SNX9: variants seen among roughly 807,000 people sequenced by gnomAD.
SNX9 encodes sorting nexin-9.
A neutral mutation model predicts 89.4 loss-of-function variants in SNX9; 44 were observed. The observed-to-expected ratio is 0.49, with a 90% CI of 0.39 to 0.63. The LOEUF (loss-of-function observed/expected upper bound fraction) is 0.63. Ranked by LOEUF, SNX9 falls within the 30% of genes least tolerant of loss-of-function variation. The pLI, the probability that SNX9 is intolerant of heterozygous loss-of-function variation, is 0.00. For synonymous variants in SNX9, 236 were observed against 247.8 expected, an observed-to-expected ratio of 0.95 and a Z score of 0.45; for missense variants, 578 against 736.1, an observed-to-expected ratio of 0.79 and a Z score of 2.49.
chr6:157,942,425 G>A (rs565243469), intron 17 of SNX9, among the ~76,000 whole-genome samples: 9 of 152,348 alleles, frequency 5.9e-5, no homozygotes, highest in African/African-American at 1.7e-4. Flanking sequence ...ACCTTCAGGG[G>A]ATTCTGGAAG....
chr6:157,828,559 A>G (rs1382294738), intron 1 of SNX9, among the ~76,000 whole-genome samples: 1 of 152,034 alleles, frequency 6.6e-6, no homozygotes, highest in African/African-American at 2.4e-5. Flanking sequence ...AGTGGCACGA[A>G]CACAGCTCAC....
At chr6:157,872,435 C>G (rs1782431168) in intron 2 of SNX9, 1 of 152,186 alleles carries the variant, frequency 6.6e-6, no homozygotes, top group Admixed American at 6.5e-5. Context: ...TTTGTTACTG[C>G]TTAGGAATCT....
intron 1 of SNX9, among the ~76,000 whole-genome samples, chr6:157,851,942 C>A (rs111244883): frequency 1.3e-5 from 2 of 152,118 alleles, no homozygotes; most frequent in Non-Finnish European, 2.9e-5. Flanking sequence ...TTTCAAGGTT[C>A]GTCTGTAATG....
rs551414070 is a variant in SNX9 at position 157,840,390 on chromosome 6, G to A, written c.12+16944G>A. Among the ~76,000 whole-genome samples the A allele has an allele frequency of 4.4e-5, 6 of 136,256 alleles. No individual in the cohort carries two copies. The South Asian group carries it at 1.1e-3, about 24-fold the overall frequency. 89.4% of individuals were successfully genotyped at this position (136,256 alleles called of 152,430 possible). ...GGTTTTCACCACACCCAAAATGACT[G>A]ACTTTTACAAAAAATACTTTCTTTC... On this transcript the variant is annotated intron_variant, in intron 1 of 17. Coordinates refer to ENST00000392185, the MANE Select transcript of SNX9 (RefSeq NM_016224.5).
At chr6:157,932,026 C>T (rs377006485) in intron 12 of SNX9, among the ~76,000 whole-genome samples, 169 bp from the exon 13 acceptor site, 4 of 152,010 alleles carry the variant, frequency 2.6e-5, no homozygotes, top group African/African-American at 7.3e-5. Context: ...TTAAAATAAT[C>T]GAAAGAAATC....
rs148825841 is a variant in SNX9, at chr6:157,938,637, C to A, written c.1538C>A (p.Ala513Glu). Residue 513 changes from alanine (A) to glutamate (E), a missense_variant, in exon 16 of 18, where the codon GCA becomes GAA. By Grantham distance (107) the Ala-to-Glu change is moderately radical (BLOSUM62 -1). Around this residue, in one of 2 missense-constraint regions of SNX9, gnomAD observed 348 missense variants for 491.4 expected, o/e 0.71. Transcript: ENST00000392185. The part of the protein sequence containing the change: ...FPDIIGTHKG[A>E]IEKVKESDKL... The stretch of plus-strand genomic sequence containing the variant: ...GTTGCATTTTATATTTCACAGGGAG[C>A]AATAGAAAAAGTGAAAGAAAGTGAC... 6.2e-7 allele frequency: 1 copy of A among 1,603,848 alleles called. No homozygotes were observed. Among genetic ancestry groups the A allele is most frequent in the South Asian group, 1.1e-5 (1 of 90,782 alleles).
chr6:157,836,691 C>T (rs978912645), intron 1 of SNX9, among the ~76,000 whole-genome samples: 3 of 151,540 alleles, frequency 2.0e-5, no homozygotes, highest in Admixed American at 6.6e-5. Flanking sequence ...CCCAGGTTCA[C>T]GCCATTTTCC....
intron 10 of SNX9, among the ~76,000 whole-genome samples, chr6:157,926,509 C>T (rs1783694490): frequency 6.6e-6 from 1 of 152,140 alleles, no homozygotes; most frequent in African/African-American, 2.4e-5. Context: ...GGGCCGAGCA[C>T]AGTGGCTTAT....
intron 1 of SNX9, among the ~76,000 whole-genome samples, chr6:157,854,946 T>C (rs534689859): frequency 1.4e-5 from 2 of 141,900 alleles, no homozygotes; most frequent in South Asian, 4.3e-4. Flanking sequence ...GGATAATAGG[T>C]TCATGTTAAA....
intron 1 of SNX9, among the ~76,000 whole-genome samples, chr6:157,826,317 T>C (rs1357019053): frequency 6.6e-6 from 1 of 151,594 alleles, no homozygotes; most frequent in African/African-American, 2.4e-5. Flanking sequence ...GCTAACACGG[T>C]GAAACTCCAT....
chr6:157,932,955 G>T, intron 13 of SNX9, among the ~76,000 whole-genome samples: 1 of 149,574 alleles, frequency 6.7e-6, no homozygotes, highest in African/African-American at 2.5e-5. Flanking sequence ...AGTGTGTGTT[G>T]CCTGTTTTCT....
chr6:157,823,875 C>A lies in SNX9; in HGVS notation c.12+429C>A, dbSNP rs926567708. Among the ~76,000 whole-genome samples, 5 of 152,080 alleles carry A rather than the reference C, an allele frequency of 3.3e-5. No homozygotes were observed. Among genetic ancestry groups the A allele is most frequent in the Admixed American group, 6.5e-5 (1 of 15,286 alleles). Reference sequence around the variant, plus strand: ...CCCTCCCGCTGCCGCCTGGGGGACCCTCGCCCCCGCGGGGCGGGTGGGGGT... The same window carrying A: ...CCCTCCCGCTGCCGCCTGGGGGACCATCGCCCCCGCGGGGCGGGTGGGGGT... On this transcript the variant is annotated intron_variant, in intron 1 of 17. Coordinates refer to ENST00000392185, the MANE Select transcript of SNX9 (RefSeq NM_016224.5). The surrounding 1 kb of genome is among the most constrained non-coding windows in gnomAD (Gnocchi z 4.6).
intron 16 of SNX9, 37 bp downstream of exon 16, chr6:157,938,784 G>GT (rs34533409): frequency 1.1e-3 from 1,618 of 1,490,016 alleles, no homozygotes; most frequent in South Asian, 1.6e-3. Flanking sequence ...GCTGGTGGAA[G>GT]TTTTTTTTTC....
rs779307006 is a variant in SNX9, at chr6:157,942,847, G to A, written c.*9G>A. On this transcript the variant is annotated 3_prime_UTR_variant, in exon 18 of 18. Coordinates refer to ENST00000392185, the MANE Select transcript of SNX9 (RefSeq NM_016224.5). ...GCTTTCCAGTGATGTAGGACAGAAC[G>A]GGCCTTGAAGAGAATGCCGCGTGCT... is the stretch of plus-strand genomic sequence containing the variant. 1.6e-5 allele frequency: 25 copies of A among 1,610,672 alleles called. No individual in the cohort carries two copies. The highest frequency in any genetic ancestry group is 1.6e-4 in the Middle Eastern group (1 of 6,068).
At chr6:157,869,937 A>G (rs551074379) in intron 2 of SNX9, among the ~76,000 whole-genome samples, 2 of 152,022 alleles carry the variant, frequency 1.3e-5, no homozygotes, top group African/African-American at 4.8e-5. Flanking sequence ...TCATGCTCTC[A>G]TACACTTTAC....
At chr6:157,917,210 G>A (rs979903921) in intron 9 of SNX9, among the ~76,000 whole-genome samples, 3 of 151,638 alleles carry the variant, frequency 2.0e-5, no homozygotes, top group Non-Finnish European at 4.4e-5. Context: ...AAAGATGTTA[G>A]GTCTACTCCT....
rs896002905 is a variant in SNX9 at position 157,912,559 on chromosome 6, A to G, written c.949+2534A>G. 2.6e-5 allele frequency among the ~76,000 whole-genome samples: 4 copies of G among 152,208 alleles called. No individual in the cohort carries two copies. In the South Asian group the frequency reaches 8.3e-4, roughly 32 times the overall value. On this transcript the variant is annotated intron_variant, in intron 9 of 17. Coordinates refer to ENST00000392185, the MANE Select transcript of SNX9 (RefSeq NM_016224.5). ...AGCCAAGGAAGCCGAACAGCACAGA[A>G]GGGCTCTATTTCCCCCTCACTTGTG...
intron 16 of SNX9, among the ~76,000 whole-genome samples, chr6:157,940,201 A>T (rs1248460435): frequency 6.6e-6 from 1 of 152,146 alleles, no homozygotes; most frequent in Non-Finnish European, 1.5e-5. Context: ...CGGGGCAGGG[A>T]CCCCAGCTGC....
chr6:157,880,750 CCTT>C (rs1371198629), intron 4 of SNX9, among the ~76,000 whole-genome samples: 2 of 152,304 alleles, frequency 1.3e-5, no homozygotes, highest in African/African-American at 4.8e-5. Context: ...TTTCTCTCCT[CCTT>C]AAGAGGCAAC....
Sources: gnomAD v4.1 joint callset for allele counts (sites outside exome capture counted in the v4.1 genomes callset) on GRCh38, gnomAD v4.1.1 for gene constraint, gnomAD v4.1.1 regional missense constraint, Gnocchi (gnomAD v3.1) non-coding constraint, MANE v1.5 for transcripts, NCBI Gene and HGNC (gene_info 2026-07-23, HGNC 2026-07-21) for gene names.